The following ZNF276 variants were observed in gnomAD, a reference collection of about 807,000 sequenced individuals.
The protein encoded by ZNF276 is zinc finger protein 276, also known as centromere protein Z.
Under a neutral mutation model 63.9 loss-of-function variants are expected in ZNF276, and 59 were observed. The observed-to-expected ratio is 0.92, with a 90% CI of 0.75 to 1.15. The LOEUF (loss-of-function observed/expected upper bound fraction) is 1.15, where lower values mean the gene tolerates loss of function less well. Among genes scored for constraint, ZNF276 ranks in the 50% most tolerant of loss-of-function variants. The pLI, the probability that ZNF276 is intolerant of heterozygous loss-of-function variation, is 0.00. For synonymous variants in ZNF276, 496 were observed against 348.4 expected (o/e 1.42, Z -4.72); for missense variants, 1,084 against 843.8 (o/e 1.28, Z -3.53).
In ZNF276 at chr16:89,723,480, C is replaced by T. The variant is rs777205799; in HGVS notation, c.777C>T (p.Val259=). 1.9e-6 allele frequency: 3 copies of T among 1,612,998 alleles called. No individual in the cohort carries two copies. Among genetic ancestry groups the T allele is most frequent in the Non-Finnish European group, 2.5e-6 (3 of 1,180,032 alleles). Residue 259 remains valine, a synonymous_variant, in exon 4 of 11, where the codon GTC becomes GTT. Transcript: ENST00000443381. The part of the protein sequence containing the change: ...KAFLLDSALA[V]KWPWDKETAP... Reference sequence around the variant, plus strand: ...TCTTGCTGGACAGTGCGCTGGCAGTCAAGTGGCCATGGGACAAAGAGACGG... The same window carrying T: ...TCTTGCTGGACAGTGCGCTGGCAGTTAAGTGGCCATGGGACAAAGAGACGG...
upstream of ZNF276, chr16:89,720,684 C>T (rs1202045188): frequency 1.5e-6 from 2 of 1,294,728 alleles, no homozygotes; most frequent in African/African-American, 1.6e-5. Context: ...CCGAGCCGGC[C>T]CCGTCCTCGC....
chr16:89,734,183 G>A (rs369122507), intron 9 of ZNF276, 145 bp downstream of exon 9: 7 of 655,984 alleles, frequency 1.1e-5, no homozygotes, highest in Middle Eastern at 2.5e-4. Flanking sequence ...AGTCACGTTG[G>A]TAGATGAAGG....
At position 89,738,565 on chromosome 16, in the gene ZNF276, C is replaced by A. The variant is rs1326248696; in HGVS notation, c.*319C>A. The A allele has an allele frequency of 6.2e-7, 1 of 1,612,632 alleles. No individual in the cohort carries two copies. Among genetic ancestry groups the A allele is most frequent in the Non-Finnish European group, 8.5e-7 (1 of 1,179,930 alleles). On this transcript the variant is annotated 3_prime_UTR_variant, in exon 11 of 11. Transcript: ENST00000443381. ...TGTTATGCTTGTAATAAATTATTTA[C>A]ACGGGAGCTGGGCTGGTGTGCAGTG...
rs149625581 is a variant in ZNF276 at position 89,722,701 on chromosome 16, C to T, written c.376C>T (p.Arg126Cys). Residue 126 changes from arginine (R) to cysteine (C), a missense_variant, in exon 2 of 11, where the codon CGC becomes TGC. Transcript: ENST00000443381. ...CCAGCGCCTGCTTGGTGTGGCTGTC[C>T]GCCAGGACCCCACCTTGTCTCCGTT... ...DFQRLLGVAV[R>C]QDPTLSPFVC... The T allele has an allele frequency of 5.0e-6, 8 of 1,612,246 alleles. No individual in the cohort carries two copies. Among genetic ancestry groups the T allele is most frequent in the South Asian group, 1.1e-5 (1 of 91,092 alleles).
In ZNF276 at chr16:89,721,739, C is replaced by A; in HGVS notation, c.99C>A (p.Arg33=). The part of the protein sequence containing the change: ...GGGGVSRTRG[R]PSLSGGPRVD... Reference sequence around the variant, plus strand: ...GCGGCGTCAGCCGGACTCGGGGCCGCCCTTCCCTTAGCGGTGGGCCGAGGG... The same window carrying A: ...GCGGCGTCAGCCGGACTCGGGGCCGACCTTCCCTTAGCGGTGGGCCGAGGG... Residue 33 remains arginine, a synonymous_variant, in exon 1 of 11, where the codon CGC becomes CGA. Transcript: ENST00000443381. 7.5e-7 allele frequency: 1 copy of A among 1,337,544 alleles called. No individual in the cohort carries two copies. Among genetic ancestry groups the A allele is most frequent in the South Asian group, 1.8e-5 (1 of 54,874 alleles). 82.9% of individuals were successfully genotyped at this position (1,337,544 alleles called of 1,614,324 possible).
At chr16:89,724,085 C>T (rs1034886078) in intron 4 of ZNF276, among the ~76,000 whole-genome samples, 4 of 152,230 alleles carry the variant, frequency 2.6e-5, no homozygotes, top group Non-Finnish European at 5.9e-5. Flanking sequence ...GCGGCTGCTG[C>T]CCTGGGCCAG....
intron 6 of ZNF276, among the ~76,000 whole-genome samples, chr16:89,729,730 G>A (rs745596683): frequency 7.9e-5 from 12 of 152,296 alleles, no homozygotes; most frequent in South Asian, 2.1e-4. Flanking sequence ...CCAGAGGCCC[G>A]AGGACCCAGC....
chr16:89,736,969 G>A (rs1302289864), intron 9 of ZNF276, among the ~76,000 whole-genome samples: 3 of 152,118 alleles, frequency 2.0e-5, no homozygotes, highest in Non-Finnish European at 4.4e-5. Context: ...AGAAAAGTCT[G>A]TCTTGTGAAG....
intron 4 of ZNF276, among the ~76,000 whole-genome samples, chr16:89,726,372 T>A (rs1413683115): frequency 6.6e-6 from 1 of 151,924 alleles, no homozygotes; most frequent in East Asian, 1.9e-4. Context: ...ATTTTTGTAT[T>A]TTTTAGTAGA....
In ZNF276 at chr16:89,738,342, G is replaced by C; in HGVS notation, c.*96G>C. On this transcript the variant is annotated 3_prime_UTR_variant, in exon 11 of 11. Transcript: ENST00000443381. ...GTGCACCCGCATGGGAGGGTCGGAGGGTGCTGCCCGCCCTTGGTGCTGGAG... is the reference window on the plus strand; with the variant it reads ...GTGCACCCGCATGGGAGGGTCGGAGCGTGCTGCCCGCCCTTGGTGCTGGAG... 2.0e-6 allele frequency: 3 copies of C among 1,489,460 alleles called. No individual in the cohort carries two copies. The highest frequency in any genetic ancestry group is 2.7e-6 in the Non-Finnish European group (3 of 1,118,848). 92.3% of individuals were successfully genotyped at this position (1,489,460 alleles called of 1,614,324 possible).
In ZNF276 at chr16:89,723,123, C is replaced by A; in HGVS notation, c.510-14C>A. 6.2e-7 allele frequency: 1 copy of A among 1,613,240 alleles called. No individual in the cohort carries two copies. The highest frequency in any genetic ancestry group is 2.2e-5 in the East Asian group (1 of 44,882). ...CCTGCTTGTCCTGCTCATGGCCACACTGATCCTTTGCAGGGTCGGTGCCCA... is the reference window on the plus strand; with the variant it reads ...CCTGCTTGTCCTGCTCATGGCCACAATGATCCTTTGCAGGGTCGGTGCCCA... On this transcript the variant is annotated splice_polypyrimidine_tract_variant and intron_variant, in intron 2 of 10. Transcript: ENST00000443381.
Position 89,723,604 on chromosome 16 carries a change from A to G in ZNF276, c.901A>G (p.Thr301Ala), listed in dbSNP as rs763546511. 1 of 1,612,642 alleles carries G rather than the reference A, an allele frequency of 6.2e-7. No homozygotes were observed. The highest frequency in any genetic ancestry group is 8.5e-7 in the Non-Finnish European group (1 of 1,179,990). Residue 301 changes from threonine to alanine, a missense_variant, in exon 4 of 11, where the codon ACC becomes GCC. Coordinates refer to ENST00000443381, the MANE Select transcript of ZNF276 (RefSeq NM_001113525.2). The part of the protein sequence containing the change: ...TGTPVGAETK[T>A]LPSTDVAQPP... ...GACCCCAGTTGGGGCTGAGACCAAG[A>G]CCCTGCCCAGCACGGATGTGGCCCA...
In ZNF276 at chr16:89,733,932, G is replaced by A. The variant is rs2061762746; in HGVS notation, c.1368G>A (p.Lys456=). ...AGTCTCTCCTTCAGAAGCACATCAA[G>A]GAGCACCACGAGGAGGTCCGGGAGC... ...RGADGMKKHI[K]EHHEEVRERP... The change falls in exon 9 of 11, where the codon AAG becomes AAA. Residue 456 remains lysine (K), a synonymous_variant. Transcript: ENST00000443381. The A allele has an allele frequency of 1.2e-6, 2 of 1,613,854 alleles. No individual in the cohort carries two copies. Among genetic ancestry groups the A allele is most frequent in the Non-Finnish European group, 1.7e-6 (2 of 1,179,948 alleles).
intron 5 of ZNF276, 81 bp from the exon 6 acceptor site, chr16:89,729,154 G>C: frequency 9.0e-7 from 1 of 1,115,344 alleles, no homozygotes; most frequent in Non-Finnish European, 1.4e-6. Context: ...GGTCCATTTG[G>C]TATCTTTAGG....
chr16:89,721,169 T>A (rs987856979), upstream of ZNF276: 27 of 249,900 alleles, frequency 1.1e-4, no homozygotes, highest in African/African-American at 5.6e-4. Context: ...GCCAGGCCCC[T>A]CTCTACGTGA....
At chr16:89,724,862 C>G (rs76393429) in intron 4 of ZNF276, among the ~76,000 whole-genome samples, 1 of 152,150 alleles carries the variant, frequency 6.6e-6, no homozygotes, top group Non-Finnish European at 1.5e-5. Flanking sequence ...CTTTGTCTCT[C>G]TCTATCTACC....
Position 89,721,542 on chromosome 16 carries a change from G to T in ZNF276, c.-99G>T. 1.8e-6 allele frequency: 2 copies of T among 1,108,448 alleles called. No homozygotes were observed. Among genetic ancestry groups the T allele is most frequent in the Non-Finnish European group, 2.4e-6 (2 of 840,292 alleles). 68.7% of individuals were successfully genotyped at this position (1,108,448 alleles called of 1,614,324 possible). On this transcript the variant is annotated 5_prime_UTR_variant, in exon 1 of 11. Coordinates refer to ENST00000443381, the MANE Select transcript of ZNF276 (RefSeq NM_001113525.2). ...TCTCGCTCCGCCCCTCCCCCGCCCC[G>T]CCTCGCTTCCAGCGCGCCGAGCGGA...
chr16:89,733,666 G>A, intron 8 of ZNF276, 109 bp downstream of exon 8: 5 of 1,325,726 alleles, frequency 3.8e-6, no homozygotes, highest in Middle Eastern at 2.6e-4. Flanking sequence ...AGGACACTTT[G>A]ACCTAGGTTA....
At position 89,733,384 on chromosome 16, in the gene ZNF276, G is replaced by A. The variant is rs377427238; in HGVS notation, c.1252G>A (p.Gly418Arg). Residue 418 changes from glycine (G) to arginine (R), a missense_variant, in exon 7 of 11, where the codon GGA (glycine) becomes AGA (arginine). Transcript: ENST00000443381. ...RIRKKPGPKP[G>R]WKKKLRCERE... ...TCGGAAGAAGCCGGGACCCAAGCCC[G>A]GATGGAAGAAGAAGCTTCGTTGTGA... is the stretch of plus-strand genomic sequence containing the variant. 9.9e-5 allele frequency: 159 copies of A among 1,614,040 alleles called. No individual in the cohort carries two copies. Among genetic ancestry groups the A allele is most frequent in the Non-Finnish European group, 1.1e-4 (132 of 1,180,040 alleles).
Sources: gnomAD v4.1 joint callset for allele counts (sites outside exome capture counted in the v4.1 genomes callset) on GRCh38, gnomAD v4.1.1 for gene constraint, MANE v1.5 for transcripts, NCBI Gene and HGNC (gene_info 2026-07-23, HGNC 2026-07-21) for gene names.